Variants in BBS5 observed in about 807,000 individuals in gnomAD.
BBS5 encodes Bardet-Biedl syndrome 5, also known as BBSome complex member BBS5.
A neutral mutation model predicts 50.2 loss-of-function variants in BBS5; 39 were observed. The ratio of observed to expected loss-of-function variants is 0.78; its 90% CI spans 0.60 to 1.01. The LOEUF is 1.01. Ranked by LOEUF, BBS5 falls within the 50% of genes least tolerant of loss-of-function variation. The pLI is 0.00. For missense variants in BBS5, 356 were observed against 401.5 expected (o/e 0.89, Z 0.97); for synonymous variants, 134 against 133.1 (o/e 1.01, Z -0.05).
At chr2:169,494,902 G>A (rs372923975) in intron 7 of BBS5, among the ~76,000 whole-genome samples, 5 of 152,066 alleles carry the variant, frequency 3.3e-5, no homozygotes, top group East Asian at 1.9e-4. Flanking sequence ...GGAAAATACC[G>A]TTTTTAAGGA....
At chr2:169,482,361 A>G (rs1349820395) in intron 2 of BBS5, 28 bp downstream of exon 2, 3 of 1,356,162 alleles carry the variant, frequency 2.2e-6, no homozygotes, top group African/African-American at 1.4e-5. Context: ...TGTATCTTAT[A>G]TTCCTGGTTT....
intron 5 of BBS5, among the ~76,000 whole-genome samples, chr2:169,489,851 CTTTTTTTT>C (rs71003093): frequency 3.0e-5 from 2 of 65,894 alleles, no homozygotes; most frequent in Non-Finnish European, 2.6e-5. Flanking sequence ...CATAAATTTC[CTTTTTTTT>C]TTTTTTTTTT....
intron 6 of BBS5, 53 bp from the exon 7 acceptor site, chr2:169,493,688 G>A: frequency 8.0e-7 from 1 of 1,242,570 alleles, no homozygotes; most frequent in Non-Finnish European, 1.2e-6. Flanking sequence ...AGAAAATAAA[G>A]AATAGGTACC....
intron 2 of BBS5, among the ~76,000 whole-genome samples, chr2:169,484,345 T>C (rs1340851929): frequency 6.6e-6 from 1 of 152,212 alleles, no homozygotes; most frequent in Non-Finnish European, 1.5e-5. Context: ...TTCATGCCAC[T>C]GCACTCCAGC....
chr2:169,486,855 T>G (rs1259988108), intron 2 of BBS5, among the ~76,000 whole-genome samples: 1 of 152,184 alleles, frequency 6.6e-6, no homozygotes, highest in Non-Finnish European at 1.5e-5. Context: ...TCTGTATCCC[T>G]TATATAACTG....
At chr2:169,504,194 G>A (rs1683858676) in intron 10 of BBS5, 109 bp from the exon 11 acceptor site, 1 of 986,294 alleles carries the variant, frequency 1.0e-6, no homozygotes, top group South Asian at 1.3e-5. Context: ...AACAGAATGT[G>A]AAATACATTT....
At chr2:169,488,558 C>G (rs1273839509) in intron 5 of BBS5, among the ~76,000 whole-genome samples, 1 of 152,250 alleles carries the variant, frequency 6.6e-6, no homozygotes, top group African/African-American at 2.4e-5. Flanking sequence ...CCCAACCACT[C>G]ACCTCCTGCT....
intron 1 of BBS5, 141 bp downstream of exon 1, chr2:169,479,753 TC>T: frequency 1.1e-6 from 1 of 938,098 alleles, no homozygotes; most frequent in Non-Finnish European, 1.7e-6. Context: ...CGTCCGCGCC[TC>T]GAGAGACCTC....
chr2:169,493,891 T>C, intron 7 of BBS5, 55 bp downstream of exon 7: 6 of 1,244,668 alleles, frequency 4.8e-6, no homozygotes, highest in Non-Finnish European at 7.0e-6. Context: ...TATTTTTTGT[T>C]CAATAGTTAA....
chr2:169,486,640 T>C (rs1683492466), intron 2 of BBS5, among the ~76,000 whole-genome samples: 1 of 152,190 alleles, frequency 6.6e-6, no homozygotes, highest in South Asian at 2.1e-4. Context: ...AAGAAAGTAC[T>C]CATATAGAAA....
At chr2:169,488,392 C>T (rs772685554) in intron 5 of BBS5, among the ~76,000 whole-genome samples, 2 of 152,210 alleles carry the variant, frequency 1.3e-5, no homozygotes, top group African/African-American at 2.4e-5. Flanking sequence ...TGATGGGAGA[C>T]AATGACAGAT....
intron 6 of BBS5, 182 bp downstream of exon 6, chr2:169,493,191 A>C (rs1683634398): frequency 4.3e-6 from 3 of 692,732 alleles, no homozygotes; most frequent in Non-Finnish European, 7.2e-6. Flanking sequence ...CAATACAATG[A>C]AATATCTGAT....
rs760543631 is a variant in BBS5 at position 169,499,464 on chromosome 2, TTTA to T, written c.682-16_682-14del. The T allele has an allele frequency of 1.2e-6, 2 of 1,608,562 alleles. No individual in the cohort carries two copies. Among genetic ancestry groups the T allele is most frequent in the Non-Finnish European group, 1.7e-6 (2 of 1,176,748 alleles). ...GTTCTTCAGACTTGTTGGGTTTTTT[TTTA>T]TTATTTTTTCTCTTGTAGAGTGGTG... On this transcript the variant is annotated intron_variant, in intron 8 of 11. Coordinates refer to ENST00000295240, the MANE Select transcript of BBS5 (RefSeq NM_152384.3).
chr2:169,497,217 G>A (rs1406508669), intron 7 of BBS5, among the ~76,000 whole-genome samples: 1 of 152,202 alleles, frequency 6.6e-6, no homozygotes, highest in African/African-American at 2.4e-5. Flanking sequence ...CTAATCAGGA[G>A]GCTGAGGCAG....
At chr2:169,498,821 AAAAG>A (rs916627318) in intron 8 of BBS5, among the ~76,000 whole-genome samples, 4 of 151,414 alleles carry the variant, frequency 2.6e-5, no homozygotes, top group Non-Finnish European at 5.9e-5. Context: ...AAAAAAAAAA[AAAAG>A]AAAGGAAGGT....
At chr2:169,487,221 T>C (rs1683501810) in intron 3 of BBS5, 87 bp downstream of exon 3, 2 of 837,106 alleles carry the variant, frequency 2.4e-6, no homozygotes. Context: ...AAGAAGTATG[T>C]AGAAATATTA....
intron 1 of BBS5, among the ~76,000 whole-genome samples, chr2:169,481,625 T>G (rs1683397675): frequency 6.6e-6 from 1 of 151,058 alleles, no homozygotes; most frequent in East Asian, 1.9e-4. Flanking sequence ...TTTGCTAGGT[T>G]TTTTTTTTTG....
At chr2:169,491,437 TA>T (rs1170294060) in intron 5 of BBS5, among the ~76,000 whole-genome samples, 1 of 152,192 alleles carries the variant, frequency 6.6e-6, no homozygotes, top group African/African-American at 2.4e-5. Flanking sequence ...ATTAGAAGAT[TA>T]AAATAAAAAT....
intron 8 of BBS5, among the ~76,000 whole-genome samples, chr2:169,498,344 T>A (rs1683732300): frequency 6.6e-6 from 1 of 152,248 alleles, no homozygotes; most frequent in South Asian, 2.1e-4. Context: ...ATAAAATTAC[T>A]TATCATCTAC....
Sources: gnomAD v4.1 joint callset for allele counts (sites outside exome capture counted in the v4.1 genomes callset) on GRCh38, gnomAD v4.1.1 for gene constraint, MANE v1.5 for transcripts, NCBI Gene and HGNC (gene_info 2026-07-23, HGNC 2026-07-21) for gene names.